Variants in NELFB observed in about 807,000 individuals in gnomAD.
The protein encoded by NELFB is negative elongation factor complex member B.
NELFB carries 34 observed loss-of-function variants against 60.2 expected under a neutral mutation model. That is an observed-to-expected ratio of 0.56 (90% CI 0.43 to 0.75). The LOEUF (loss-of-function observed/expected upper bound fraction) is 0.75. Among genes scored for constraint, NELFB ranks in the 30% least tolerant of loss-of-function variants. NELFB has a pLI of 0.00. For missense variants in NELFB, 770 were observed against 831.6 expected (o/e 0.93, Z 0.91); for synonymous variants, 459 against 382.1 (o/e 1.20, Z -2.35).
chr9:137,272,369 G>T, intron 11 of NELFB, 138 bp from the exon 12 acceptor site: 5 of 1,465,356 alleles, frequency 3.4e-6, no homozygotes, highest in Non-Finnish European at 4.6e-6. Flanking sequence ...GCCCTGCAGG[G>T]TGCCTGGGCA....
At position 137,256,483 on chromosome 9, in the gene NELFB, C is replaced by G. The variant is rs1038329934; in HGVS notation, c.510+55C>G. ...TGGACCGTCCGCCCACTCTCATGCCCTTGGTTAGTGGAAGTTCCGGTGGCC... is the reference window on the plus strand; with the variant it reads ...TGGACCGTCCGCCCACTCTCATGCCGTTGGTTAGTGGAAGTTCCGGTGGCC... On this transcript the variant is annotated intron_variant, in intron 3 of 12. Coordinates refer to ENST00000343053, the MANE Select transcript of NELFB (RefSeq NM_015456.5). 5 of 1,521,466 alleles carry G rather than the reference C, an allele frequency of 3.3e-6. No individual in the cohort carries two copies. The African/African-American group carries it at 4.1e-5, about 13-fold the overall frequency. The allele number at this position is 1,521,466 out of a possible 1,614,324, so 94.2% of individuals were successfully genotyped here. A position where few individuals can be genotyped will look rare whatever the true frequency, so the allele number is the denominator to read the frequency against.
At chr9:137,261,110 A>T (rs1297623198) in intron 4 of NELFB, among the ~76,000 whole-genome samples, 1 of 151,614 alleles carries the variant, frequency 6.6e-6, no homozygotes, top group Non-Finnish European at 1.5e-5. Flanking sequence ...TGGGAGGCCG[A>T]GGCGGGTGGA....
At chr9:137,272,257 C>T (rs763935829) in intron 11 of NELFB, 35 bp downstream of exon 11, 4 of 1,608,918 alleles carry the variant, frequency 2.5e-6, no homozygotes, top group African/African-American at 1.3e-5. Flanking sequence ...CCCGCTCTGT[C>T]CTCTCAGCTC....
Position 137,255,421 on chromosome 9 carries a change from C to A in NELFB, c.56C>A (p.Ala19Glu). Residue 19 changes from alanine to glutamate, a missense_variant, in exon 1 of 13, where the codon GCG becomes GAG. Physicochemically the swap from Ala to Glu is moderately radical, Grantham distance 107. Coordinates refer to ENST00000343053, the MANE Select transcript of NELFB (RefSeq NM_015456.5). ...GGCTCGGGCGGTCCCCGAGGCCCGG[C>A]GGAGCGGGCTTCTGGGGTGTCTGCG... The A allele has an allele frequency of 2.6e-6, 3 of 1,152,366 alleles. No homozygotes were observed. Among genetic ancestry groups the A allele is most frequent in the South Asian group, 2.3e-5 (1 of 43,536 alleles). The allele number at this position is 1,152,366 out of a possible 1,614,324, so 71.4% of individuals were successfully genotyped here.
At position 137,256,840 on chromosome 9, in the gene NELFB, T is replaced by C. The variant is rs767955431; in HGVS notation, c.527T>C (p.Leu176Pro). Residue 176 changes from leucine to proline, a missense_variant, in exon 4 of 13, where the codon CTG becomes CCG. By Grantham distance (98) the Leu-to-Pro change is moderately conservative. Coordinates refer to ENST00000343053, the MANE Select transcript of NELFB (RefSeq NM_015456.5). ...GTCATGTAGGTTCCGGAGAAAAAAC[T>C]GAAGCTGGTTATGGCTGACAAGGAG... The C allele has an allele frequency of 1.9e-6, 3 of 1,614,056 alleles. No homozygotes were observed. Among genetic ancestry groups the C allele is most frequent in the Admixed American group, 1.7e-5 (1 of 60,014 alleles).
rs541476272 is a variant in NELFB at position 137,269,573 on chromosome 9, C to G, written c.1489+2227C>G. On this transcript the variant is annotated intron_variant, in intron 10 of 12. Transcript: ENST00000343053. This position sits in a 1 kb window ranked among gnomAD's most constrained non-coding sequence, Gnocchi z 5.3. The stretch of plus-strand genomic sequence containing the variant: ...AAGCTGACAATACTGTATTTTTACT[C>G]CACTTTCTCTATTTAGATACACAGT... Among the ~76,000 whole-genome samples the G allele has an allele frequency of 1.3e-5, 2 of 152,350 alleles. No individual in the cohort carries two copies. Among genetic ancestry groups the G allele is most frequent in the South Asian group, 4.1e-4 (2 of 4,824 alleles).
intron 5 of NELFB, among the ~76,000 whole-genome samples, chr9:137,263,953 G>A (rs1374718255): frequency 1.3e-5 from 2 of 152,194 alleles, no homozygotes; most frequent in Non-Finnish European, 2.9e-5. Flanking sequence ...GTCACCCTCC[G>A]AGGCTTCCAT....
chr9:137,264,490 G>A (rs1830495579), intron 6 of NELFB, 133 bp downstream of exon 6: 1 of 694,290 alleles, frequency 1.4e-6, no homozygotes, highest in Admixed American at 2.6e-5. Context: ...TTTCGAGACA[G>A]AGTCTCGTTC....
At chr9:137,264,830 C>T (rs563209423) in intron 6 of NELFB, among the ~76,000 whole-genome samples, 11 of 152,096 alleles carry the variant, frequency 7.2e-5, no homozygotes, top group Non-Finnish European at 1.3e-4. Context: ...ACATGGTTGT[C>T]GGGATGTGTG....
At chr9:137,266,914 G>C (rs374591159) in intron 8 of NELFB, 30 bp from the exon 9 acceptor site, 1 of 1,609,774 alleles carries the variant, frequency 6.2e-7, no homozygotes, top group South Asian at 1.1e-5. Flanking sequence ...GCCCGGGCCC[G>C]CGCCCGCTCA....
chr9:137,260,405 A>ACTTAT (rs1830421893), intron 4 of NELFB, among the ~76,000 whole-genome samples: 1 of 141,728 alleles, frequency 7.1e-6, no homozygotes, highest in Non-Finnish European at 1.5e-5. Flanking sequence ...AATTTTTTTT[A>ACTTAT]TTTATTTTAT....
Position 137,270,592 on chromosome 9 carries a change from A to G in NELFB, c.1490-1489A>G, listed in dbSNP as rs1830572593. On this transcript the variant is annotated intron_variant, in intron 10 of 12. Coordinates refer to ENST00000343053, the MANE Select transcript of NELFB (RefSeq NM_015456.5). ...GTGACAGAGCGAGACTCCGTCTCAA[A>G]AAAAACAAATAAAAAATAAGACTGT... is the stretch of plus-strand genomic sequence containing the variant. 2.0e-5 allele frequency among the ~76,000 whole-genome samples: 3 copies of G among 151,910 alleles called. No homozygotes were observed. The South Asian group carries it at 6.2e-4, about 32-fold the overall frequency.
rs923983416 is a variant in NELFB at position 137,269,842 on chromosome 9, C to T, written c.1490-2239C>T. Among the ~76,000 whole-genome samples the T allele has an allele frequency of 3.9e-5, 6 of 152,218 alleles. No individual in the cohort carries two copies. Among genetic ancestry groups the T allele is most frequent in the Admixed American group, 2.6e-4 (4 of 15,284 alleles). The stretch of plus-strand genomic sequence containing the variant: ...GCTGGGAACCAGGAGTGCAGCTTCT[C>T]GGAGTACGTGGCTGCCCCACGGGGT... On this transcript the variant is annotated intron_variant, in intron 10 of 12. Transcript: ENST00000343053. The surrounding 1 kb of genome is among the most constrained non-coding windows in gnomAD (Gnocchi z 5.3).
intron 5 of NELFB, among the ~76,000 whole-genome samples, chr9:137,263,950 T>C (rs929001173): frequency 2.0e-5 from 3 of 152,186 alleles, no homozygotes; most frequent in Non-Finnish European, 4.4e-5. Context: ...GGAGTCACCC[T>C]CCGAGGCTTC....
At chr9:137,262,588 C>T (rs1446618594) in intron 4 of NELFB, among the ~76,000 whole-genome samples, 2 of 152,236 alleles carry the variant, frequency 1.3e-5, no homozygotes, top group South Asian at 2.1e-4. Flanking sequence ...TATCTATGAT[C>T]TATATCTAAT....
intron 4 of NELFB, among the ~76,000 whole-genome samples, chr9:137,257,971 T>A (rs550749106): frequency 6.3e-4 from 96 of 151,492 alleles, no homozygotes; most frequent in Non-Finnish European, 1.2e-3. Flanking sequence ...TACTTAAAAA[T>A]ATATATATAT....
chr9:137,266,290 A>G (rs1158567718), intron 7 of NELFB, 41 bp from the exon 8 acceptor site: 2 of 1,563,518 alleles, frequency 1.3e-6, no homozygotes, highest in East Asian at 4.5e-5. Context: ...TGGCCAGGAC[A>G]CAGCTGCCTG....
At chr9:137,260,407 T>TTATTA (rs1830422011) in intron 4 of NELFB, among the ~76,000 whole-genome samples, 1 of 149,170 alleles carries the variant, frequency 6.7e-6, no homozygotes, top group African/African-American at 2.4e-5. Context: ...TTTTTTTTAT[T>TTATTA]TATTTTATTT....
At chr9:137,260,010 G>A (rs1268224414) in intron 4 of NELFB, among the ~76,000 whole-genome samples, 3 of 151,566 alleles carry the variant, frequency 2.0e-5, no homozygotes, top group Non-Finnish European at 2.9e-5. Flanking sequence ...GATTATGGGC[G>A]TGAGCCACCG....
Sources: gnomAD v4.1 joint callset for allele counts (sites outside exome capture counted in the v4.1 genomes callset) on GRCh38, gnomAD v4.1.1 for gene constraint, Gnocchi (gnomAD v3.1) non-coding constraint, MANE v1.5 for transcripts, NCBI Gene and HGNC (gene_info 2026-07-23, HGNC 2026-07-21) for gene names.